The following NKAIN4 variants were observed in gnomAD, a reference collection of about 807,000 sequenced individuals.
The protein encoded by NKAIN4 is sodium/potassium transporting ATPase interacting 4.
NKAIN4 carries 28 observed loss-of-function variants against 28.8 expected under a neutral mutation model. The ratio of observed to expected loss-of-function variants is 0.97; its 90% CI spans 0.72 to 1.33. NKAIN4 has a LOEUF of 1.33. NKAIN4 is among the 40% of genes most tolerant of loss of function. NKAIN4 has a pLI of 0.00. For missense variants in NKAIN4, 289 were observed against 277.2 expected (o/e 1.04, Z -0.30); for synonymous variants, 122 against 115.6 (o/e 1.06, Z -0.36).
At chr20:63,244,157 C>A (rs1256421595) in intron 4 of NKAIN4, 73 bp from the exon 5 acceptor site, 4 of 1,393,102 alleles carry the variant, frequency 2.9e-6, no homozygotes, top group Non-Finnish European at 4.0e-6. Context: ...GCGATGTGGG[C>A]CGAAGCACTG....
At chr20:63,242,940 G>A (rs2066786758) in intron 5 of NKAIN4, among the ~76,000 whole-genome samples, 1 of 151,626 alleles carries the variant, frequency 6.6e-6, no homozygotes, top group South Asian at 2.1e-4. Flanking sequence ...ATGTGGGGAT[G>A]GCCTCGGGGG....
At chr20:63,246,469 C>T in intron 4 of NKAIN4, 1 of 983,070 alleles carries the variant, frequency 1.0e-6, no homozygotes, top group Non-Finnish European at 1.2e-6. Flanking sequence ...GCCTGATTTC[C>T]TGCAGGACCA....
chr20:63,247,932 C>G (rs566855517), intron 3 of NKAIN4, among the ~76,000 whole-genome samples, 157 bp from the exon 4 acceptor site: 1 of 152,318 alleles, frequency 6.6e-6, no homozygotes, highest in East Asian at 1.9e-4. Context: ...AGGGCTCCAG[C>G]CATGGTGGGG....
In NKAIN4 at chr20:63,244,072, C is replaced by A. The variant is rs1321817791; in HGVS notation, c.484G>T (p.Val162Phe). ...LQILIALLGF[V>F]CGCQVVSVFT... is the part of the protein sequence containing the mutation. ...ACGCTGACCACCTGGCAGCCACAGA[C>A]AAAGCCCAGAAGCTGAAAGACACCA... Residue 162 changes from valine (V) to phenylalanine (F), a missense_variant, in exon 5 of 7, where the codon GTC (valine) becomes TTC (phenylalanine). Physicochemically the swap from Val to Phe is conservative, Grantham distance 50. Coordinates refer to ENST00000370316, the MANE Select transcript of NKAIN4 (RefSeq NM_152864.4). 1 of 1,613,800 alleles carries A rather than the reference C, an allele frequency of 6.2e-7. No homozygotes were observed. The highest frequency in any genetic ancestry group is 8.5e-7 in the Non-Finnish European group (1 of 1,179,856).
At chr20:63,249,640 C>T (rs550810343) in intron 2 of NKAIN4, among the ~76,000 whole-genome samples, 86 of 152,136 alleles carry the variant, frequency 5.7e-4, no homozygotes, top group Non-Finnish European at 1.1e-3. Context: ...AAGCAGGGAT[C>T]GTGGCAGCAC....
intron 4 of NKAIN4, chr20:63,244,507 G>C: frequency 2.1e-6 from 1 of 474,556 alleles, no homozygotes. Flanking sequence ...AGCCACCAGG[G>C]GTTCCTCCTC....
At chr20:63,246,026 C>G (rs1306428625) in intron 4 of NKAIN4, among the ~76,000 whole-genome samples, 2 of 151,922 alleles carry the variant, frequency 1.3e-5, no homozygotes, top group African/African-American at 4.8e-5. Flanking sequence ...CTCCCGGGTT[C>G]ATGCCATTCT....
chr20:63,254,632 C>A, upstream of NKAIN4: 3 of 434,132 alleles, frequency 6.9e-6, no homozygotes, highest in Non-Finnish European at 1.1e-5. Flanking sequence ...TCCCCTCCCA[C>A]CCCCGCCTGC....
intron 4 of NKAIN4, among the ~76,000 whole-genome samples, chr20:63,246,430 G>T (rs1282727402): frequency 6.6e-6 from 1 of 152,222 alleles, no homozygotes; most frequent in African/African-American, 2.4e-5. Context: ...TGCGTCTGTG[G>T]CCCCTTGCTA....
chr20:63,248,736 G>A, intron 3 of NKAIN4, 79 bp downstream of exon 3: 1 of 914,838 alleles, frequency 1.1e-6, no homozygotes, highest in Non-Finnish European at 1.8e-6. Context: ...CAGATGAAAA[G>A]CAAACACAGG....
intron 3 of NKAIN4, 28 bp from the exon 4 acceptor site, chr20:63,247,803 G>A (rs943253266): frequency 2.1e-5 from 30 of 1,426,662 alleles, no homozygotes; most frequent in Admixed American, 3.0e-5. Context: ...GAGCAGGGCC[G>A]GTTAGCACCA....
intron 1 of NKAIN4, among the ~76,000 whole-genome samples, chr20:63,250,860 A>G (rs953654160): frequency 1.3e-5 from 2 of 151,966 alleles, no homozygotes; most frequent in African/African-American, 4.8e-5. Context: ...CACAACCCAG[A>G]GAAGAGAAGA....
chr20:63,254,196 G>T (rs940179997), intron 1 of NKAIN4: 2 of 449,422 alleles, frequency 4.5e-6, no homozygotes, highest in South Asian at 4.2e-5. Flanking sequence ...CCGGGGACGG[G>T]ACCCGGCGCC....
chr20:63,241,444 T>G lies in NKAIN4; in HGVS notation c.*53A>C. The G allele has an allele frequency of 6.5e-7, 1 of 1,548,464 alleles. No individual in the cohort carries two copies. The highest frequency in any genetic ancestry group is 2.4e-5 in the East Asian group (1 of 40,846). On this transcript the variant is annotated 3_prime_UTR_variant, in exon 7 of 7. Coordinates refer to ENST00000370316, the MANE Select transcript of NKAIN4 (RefSeq NM_152864.4). ...GCCTGGGAGCTCCTGTCATTGTCAC[T>G]GGTCGGTCGCTGAGGCTGGAGGCCA...
intron 6 of NKAIN4, 87 bp downstream of exon 6, chr20:63,242,452 G>T: frequency 1.1e-6 from 1 of 883,236 alleles, no homozygotes; most frequent in Non-Finnish European, 1.9e-6. Flanking sequence ...CAGGTGCCTG[G>T]TGAGGCCCCC....
At chr20:63,247,343 C>T (rs984983383) in intron 4 of NKAIN4, 10 of 1,484,228 alleles carry the variant, frequency 6.7e-6, no homozygotes, top group South Asian at 2.6e-5. Context: ...CTTGAGAAAG[C>T]GCCTGGGTTG....
At position 63,250,029 on chromosome 20, in the gene NKAIN4, T is replaced by C; in HGVS notation, c.98A>G (p.Gln33Arg). 2 of 1,603,094 alleles carry C rather than the reference T, an allele frequency of 1.2e-6. No individual in the cohort carries two copies. Among genetic ancestry groups the C allele is most frequent in the East Asian group, 4.5e-5 (2 of 43,988 alleles). ...ERQVFDFLGYQWAPILANFVH... is the reference protein window; with the variant it reads ...ERQVFDFLGYRWAPILANFVH... ...AAAGTTGGCCAGGATGGGCGCCCACTGGTAGCCCAGGAAGTCAAACACCTG... is the reference window on the plus strand; with the variant it reads ...AAAGTTGGCCAGGATGGGCGCCCACCGGTAGCCCAGGAAGTCAAACACCTG... The change falls in exon 2 of 7, where the codon CAG becomes CGG. Residue 33 changes from glutamine (Q) to arginine (R), a missense_variant. By Grantham distance (43) the Gln-to-Arg change is conservative. Coordinates refer to ENST00000370316, the MANE Select transcript of NKAIN4 (RefSeq NM_152864.4).
chr20:63,241,901 C>T (rs1014927722), intron 6 of NKAIN4: 2 of 383,022 alleles, frequency 5.2e-6, no homozygotes, highest in Non-Finnish European at 5.0e-6. Flanking sequence ...CCTGCCGGGA[C>T]AGCCCTCATT....
chr20:63,250,177 C>G, intron 1 of NKAIN4, 105 bp from the exon 2 acceptor site: 2 of 1,271,910 alleles, frequency 1.6e-6, no homozygotes, highest in Non-Finnish European at 2.1e-6. Context: ...GACTTCCTCC[C>G]CACACCCGCC....
Sources: allele counts gnomAD v4.1 joint callset (sites outside exome capture counted in the v4.1 genomes callset), GRCh38; gene constraint gnomAD v4.1.1; transcripts MANE v1.5; gene names NCBI Gene and HGNC (gene_info 2026-07-23, HGNC 2026-07-21).